CASS4: variants seen among roughly 807,000 people sequenced by gnomAD.
CASS4 encodes Cas scaffold protein family member 4, also known as cas scaffolding protein family member 4.
CASS4 carries 22 observed loss-of-function variants against 54.2 expected under a neutral mutation model. The observed-to-expected ratio is 0.41, with a 90% CI of 0.29 to 0.58. The LOEUF (loss-of-function observed/expected upper bound fraction) is 0.58, where lower values mean the gene tolerates loss of function less well. Among genes scored for constraint, CASS4 ranks in the 20% least tolerant of loss-of-function variants. The pLI, the probability that CASS4 is intolerant of heterozygous loss-of-function variation, is 0.36. For synonymous variants in CASS4, 409 were observed against 391.5 expected (o/e 1.04, Z -0.53); for missense variants, 854 against 986.7 (o/e 0.87, Z 1.80).
intron 1 of CASS4, among the ~76,000 whole-genome samples, chr20:56,417,849 C>T (rs1043442568): frequency 2.0e-5 from 3 of 152,236 alleles, no homozygotes; most frequent in African/African-American, 7.2e-5. Context: ...TGACAATTGT[C>T]CCCCTCCTTG....
chr20:56,432,123 G>T (rs748559086), intron 1 of CASS4, among the ~76,000 whole-genome samples: 1 of 151,746 alleles, frequency 6.6e-6, no homozygotes, highest in South Asian at 2.1e-4. Flanking sequence ...AGATCATTGA[G>T]GGGCTAGGTA....
intron 1 of CASS4, among the ~76,000 whole-genome samples, chr20:56,425,295 TGACTCTTAATG>T (rs1216311731): frequency 6.6e-6 from 1 of 152,248 alleles, no homozygotes; most frequent in Non-Finnish European, 1.5e-5. Flanking sequence ...TAAACTTCTG[TGACTCTTAATG>T]CACCTGCAGT....
At chr20:56,447,401 C>T (rs1335013219) in intron 3 of CASS4, among the ~76,000 whole-genome samples, 1 of 152,182 alleles carries the variant, frequency 6.6e-6, no homozygotes, top group Admixed American at 6.5e-5. Context: ...TCTGCTGGTT[C>T]ACCATCTCAG....
intron 5 of CASS4, among the ~76,000 whole-genome samples, chr20:56,457,615 T>C (rs1470956666): frequency 3.3e-5 from 5 of 152,216 alleles, no homozygotes; most frequent in African/African-American, 4.8e-5. Context: ...AGAGTTCTGA[T>C]ATATCTCTGA....
intron 2 of CASS4, among the ~76,000 whole-genome samples, chr20:56,441,281 A>G (rs1980444634): frequency 6.6e-6 from 1 of 150,638 alleles, no homozygotes; most frequent in South Asian, 2.2e-4. Context: ...GGCGTGAGCT[A>G]CTGTGCCCAG....
At chr20:56,413,491 G>GA (rs905169190) in intron 1 of CASS4, among the ~76,000 whole-genome samples, 2 of 151,788 alleles carry the variant, frequency 1.3e-5, no homozygotes, top group East Asian at 1.9e-4. Context: ...TGATCAACAT[G>GA]AAAAAACCCC....
In CASS4 at chr20:56,452,548, C is replaced by T. The variant is rs527807357; in HGVS notation, c.1372C>T (p.Leu458=). The part of the protein sequence containing the change: ...QHKVVSSVAG[L]MLFVSRKWRF... Reference sequence around the variant, plus strand: ...CAAGGTGGTCAGCTCTGTCGCTGGCCTGATGCTCTTTGTCAGCAGGAAGTG... The same window carrying T: ...CAAGGTGGTCAGCTCTGTCGCTGGCTTGATGCTCTTTGTCAGCAGGAAGTG... Residue 458 remains leucine (L), a synonymous_variant, in exon 5 of 6, where the codon CTG becomes TTG. Transcript: ENST00000679887. The T allele has an allele frequency of 6.2e-7, 1 of 1,614,144 alleles. No homozygotes were observed. The highest frequency in any genetic ancestry group is 8.5e-7 in the Non-Finnish European group (1 of 1,180,020).
At position 56,452,286 on chromosome 20, in the gene CASS4, G is replaced by C. The variant is rs751309869; in HGVS notation, c.1110G>C (p.Lys370Asn). The change falls in exon 5 of 6, where the codon AAG (lysine) becomes AAC (asparagine). Residue 370 changes from lysine (K) to asparagine (N), a missense_variant. Lys to Asn is a moderately conservative substitution (Grantham distance 94). Coordinates refer to ENST00000679887, the MANE Select transcript of CASS4 (RefSeq NM_020356.4). ...CTGGGAAGGAGCTGGAGAAAGCCAA[G>C]GAGGTGTCAGAGAATTCCGCGGGCC... ...SQAGKELEKA[K>N]EVSENSAGHN... 9 of 1,613,822 alleles carry C rather than the reference G, an allele frequency of 5.6e-6. No individual in the cohort carries two copies. In the South Asian group the frequency reaches 8.8e-5, roughly 16 times the overall value.
intron 1 of CASS4, among the ~76,000 whole-genome samples, chr20:56,423,395 A>G (rs1979499424): frequency 6.6e-6 from 1 of 152,162 alleles, no homozygotes; most frequent in Non-Finnish European, 1.5e-5. Context: ...GTAGGTAATG[A>G]TGGTTTCCAA....
chr20:56,459,572 A>G lies in CASS4; in HGVS notation c.*825A>G. ...GGAATCACTTAATCCTGGAAGTCTT[A>G]TGAGAAGACATGGCAAGAAGCAGAG... On this transcript the variant is annotated 3_prime_UTR_variant, in exon 6 of 6. Transcript: ENST00000679887. The G allele has an allele frequency of 5.0e-6, 1 of 201,250 alleles. No homozygotes were observed. The highest frequency in any genetic ancestry group is 9.7e-5 in the South Asian group (1 of 10,308). The allele number at this position is 201,250 out of a possible 1,614,324, so 12.5% of individuals were successfully genotyped here.
intron 2 of CASS4, 137 bp from the exon 3 acceptor site, chr20:56,445,763 T>G: frequency 3.3e-6 from 2 of 612,016 alleles, no homozygotes. Context: ...GTGAAGAGCC[T>G]GCCAGCGGGG....
chr20:56,452,400 C>T lies in CASS4; in HGVS notation c.1224C>T (p.Ser408=), dbSNP rs1183995472. ...GTTCCAGTTCTGACAGCAGAGCTAGCATCGTTTCCTCGTGCTCCACCACAT... is the reference window on the plus strand; with the variant it reads ...GTTCCAGTTCTGACAGCAGAGCTAGTATCGTTTCCTCGTGCTCCACCACAT... ...LSGSSSDSRA[S]IVSSCSTTST... Residue 408 remains serine, a synonymous_variant, in exon 5 of 6, where the codon AGC becomes AGT. Coordinates refer to ENST00000679887, the MANE Select transcript of CASS4 (RefSeq NM_020356.4). 2 of 1,614,052 alleles carry T rather than the reference C, an allele frequency of 1.2e-6. No individual in the cohort carries two copies. Among genetic ancestry groups the T allele is most frequent in the South Asian group, 2.2e-5 (2 of 91,086 alleles).
Position 56,422,072 on chromosome 20 carries a change from C to A in CASS4, c.36+9578C>A, listed in dbSNP as rs138371775. On this transcript the variant is annotated intron_variant, in intron 1 of 5. Coordinates refer to ENST00000679887, the MANE Select transcript of CASS4 (RefSeq NM_020356.4). ...AGAGAAGTTCTGTTACTTGCCTCCT[C>A]CTTCGGTGGGTTTTTCATGAGCAAG... 2.0e-3 allele frequency among the ~76,000 whole-genome samples: 307 copies of A among 152,318 alleles called. 6 individuals are homozygous for A. The East Asian group carries it at 0.029, about 14-fold the overall frequency.
At chr20:56,447,208 A>G (rs75273965) in intron 3 of CASS4, among the ~76,000 whole-genome samples, 1 of 72,054 alleles carries the variant, frequency 1.4e-5, no homozygotes, top group Non-Finnish European at 2.3e-5. Context: ...ACTCTGTCTG[A>G]AAAAAAAAAA....
chr20:56,424,740 C>CAAAAA (rs759106984), intron 1 of CASS4, among the ~76,000 whole-genome samples: 22 of 72,016 alleles, frequency 3.1e-4, no homozygotes, highest in East Asian at 9.4e-4. Flanking sequence ...GACTCTGTCT[C>CAAAAA]AAAAAAAAAA....
At chr20:56,434,054 C>A (rs528887840) in intron 1 of CASS4, among the ~76,000 whole-genome samples, 59 of 152,216 alleles carry the variant, frequency 3.9e-4, no homozygotes, top group African/African-American at 1.4e-3. Flanking sequence ...GATTTCTAAA[C>A]AAATACATCA....
intron 2 of CASS4, among the ~76,000 whole-genome samples, chr20:56,439,002 G>T (rs554145566): frequency 6.6e-6 from 1 of 152,354 alleles, no homozygotes; most frequent in South Asian, 2.1e-4. Flanking sequence ...AAGAGAAAGG[G>T]AGCAGTAAGC....
chr20:56,418,349 A>G (rs1052559110), intron 1 of CASS4, among the ~76,000 whole-genome samples: 1 of 151,958 alleles, frequency 6.6e-6, no homozygotes, highest in Non-Finnish European at 1.5e-5. Flanking sequence ...GAGTAAACCA[A>G]GAGAGAGAGG....
Position 56,458,571 on chromosome 20 carries a change from G to A in CASS4, c.2185G>A (p.Val729Met), listed in dbSNP as rs2083033766. ...TLCMETQERD[V>M]RNEILRGSSH... ...GTGCATGGAGACCCAGGAGAGGGAC[G>A]TGCGCAACGAGATCCTCCGTGGCAG... Residue 729 changes from valine (V) to methionine (M), a missense_variant, in exon 6 of 6, where the codon GTG becomes ATG. By Grantham distance (21) the Val-to-Met change is conservative. Coordinates refer to ENST00000679887, the MANE Select transcript of CASS4 (RefSeq NM_020356.4). 1.2e-6 allele frequency: 2 copies of A among 1,613,984 alleles called. No individual in the cohort carries two copies. The highest frequency in any genetic ancestry group is 1.7e-6 in the Non-Finnish European group (2 of 1,179,948).
Sources: allele counts gnomAD v4.1 joint callset (sites outside exome capture counted in the v4.1 genomes callset), GRCh38; gene constraint gnomAD v4.1.1; transcripts MANE v1.5; gene names NCBI Gene and HGNC (gene_info 2026-07-23, HGNC 2026-07-21).